Variants in AOPEP observed in about 807,000 individuals in gnomAD.
AOPEP encodes the protein aminopeptidase O (putative).
AOPEP carries 77 observed loss-of-function variants against 98.1 expected under a neutral mutation model. The ratio of observed to expected loss-of-function variants is 0.78; its 90% confidence interval spans 0.65 to 0.95. The LOEUF is 0.95. Ranked by LOEUF, AOPEP falls within the 40% of genes least tolerant of loss-of-function variation. The probability of loss-of-function intolerance (pLI) is 0.00; values close to 1 mark genes in which losing one functional copy is unlikely to be tolerated. For missense variants in AOPEP, 1,024 were observed against 1,024.7 expected (o/e 1.00, Z 0.01); for synonymous variants, 346 against 365.3 (o/e 0.95, Z 0.60).
intron 11 of AOPEP, among the ~76,000 whole-genome samples, chr9:94,981,228 G>A (rs989351810): frequency 6.6e-6 from 1 of 152,172 alleles, no homozygotes; most frequent in Non-Finnish European, 1.5e-5. Context: ...GAGGCTTTTG[G>A]TTTTCATTAA....
chr9:95,059,940 C>T lies in AOPEP; in HGVS notation c.2116-754C>T, dbSNP rs12683564. ...CCCTGCTGTTGCATAGCGAGTAACA[C>T]GGATGAAGTCTTACACATGCTTCTC... On this transcript the variant is annotated intron_variant, in intron 13 of 16. Coordinates refer to ENST00000375315, the MANE Select transcript of AOPEP (RefSeq NM_001193329.3). Among the ~76,000 whole-genome samples the T allele has an allele frequency of 3.7e-3, 569 of 152,326 alleles. 17 individuals carry two copies. The East Asian group carries it at 0.051, about 14-fold the overall frequency.
intron 13 of AOPEP, among the ~76,000 whole-genome samples, chr9:95,041,444 GGGGTGTGTGT>G (rs1489415784): frequency 1.3e-4 from 19 of 144,408 alleles, no homozygotes; most frequent in East Asian, 8.2e-4. Context: ...AGAGTCCTTG[GGGGTGTGTGT>G]GTGTGTGTGT....
Position 94,942,530 on chromosome 9 carries a change from C to T in AOPEP, c.1662-12647C>T, listed in dbSNP as rs1301091116. Among the ~76,000 whole-genome samples the T allele has an allele frequency of 2.0e-5, 3 of 152,118 alleles. No homozygotes were observed. The East Asian group carries it at 5.8e-4, about 29-fold the overall frequency. ...GGTTGAGGACAGAAGGAATAAGAAA[C>T]AGGGACTGTACTATTCAACATTGTA... On this transcript the variant is annotated intron_variant, in intron 7 of 16. Transcript: ENST00000375315.
intron 5 of AOPEP, among the ~76,000 whole-genome samples, chr9:94,867,291 A>G (rs1472117072): frequency 6.6e-6 from 1 of 152,240 alleles, no homozygotes; most frequent in East Asian, 1.9e-4. Flanking sequence ...CTTTCTGTTT[A>G]GAAGTACTTG....
chr9:94,908,824 C>G (rs2051565099), intron 5 of AOPEP, among the ~76,000 whole-genome samples: 1 of 152,098 alleles, frequency 6.6e-6, no homozygotes, highest in South Asian at 2.1e-4. Flanking sequence ...TATGTTGGTG[C>G]TTTCAAATGT....
intron 5 of AOPEP, among the ~76,000 whole-genome samples, chr9:94,920,743 G>C (rs1005601299): frequency 6.6e-6 from 1 of 152,220 alleles, no homozygotes; most frequent in Non-Finnish European, 1.5e-5. Flanking sequence ...TAATCTGGGT[G>C]GGTAGGTAGT....
chr9:95,057,762 T>A (rs2066953981), intron 13 of AOPEP, among the ~76,000 whole-genome samples: 1 of 152,212 alleles, frequency 6.6e-6, no homozygotes, highest in African/African-American at 2.4e-5. Context: ...TGAGTTAGAA[T>A]AGTTACAACT....
chr9:94,763,145 T>C (rs965786917), intron 2 of AOPEP: 8 of 456,052 alleles, frequency 1.8e-5, no homozygotes, highest in Middle Eastern at 3.5e-4. Flanking sequence ...ATAAAATGAC[T>C]GGAAGCTTCT....
At chr9:95,096,630 G>A in the AOPEP span, among the ~76,000 whole-genome samples, 4 of 152,112 alleles carry the variant, frequency 2.6e-5, no homozygotes, top group African/African-American at 7.2e-5. Context: ...TGGAGTCCAA[G>A]GGCGCCCACC....
Position 94,760,100 on chromosome 9 carries a change from A to T in AOPEP, c.317A>T (p.Glu106Val), listed in dbSNP as rs1837914897. The change falls in exon 2 of 17, where the codon GAA (glutamate) becomes GTA (valine). Residue 106 changes from glutamate (E) to valine (V), a missense_variant. Physicochemically the swap from Glu to Val is moderately radical, Grantham distance 121. Coordinates refer to ENST00000375315, the MANE Select transcript of AOPEP (RefSeq NM_001193329.3). ...GATTTTGCAATCTGTAGTAAAGGTG[A>T]AAAAGATACTTCTGATAAAGATGGT... ...YNDFAICSKG[E>V]KDTSDKDGNH... is the part of the protein sequence containing the mutation. The T allele has an allele frequency of 6.2e-7, 1 of 1,614,196 alleles. No individual in the cohort carries two copies. Among genetic ancestry groups the T allele is most frequent in the Admixed American group, 1.7e-5 (1 of 60,024 alleles).
chr9:94,914,523 C>CGTGTGTGTGTGT (rs67826706), intron 5 of AOPEP, among the ~76,000 whole-genome samples: 4,657 of 143,586 alleles, frequency 0.032, 100 homozygotes, highest in South Asian at 0.046. Context: ...TGGCATTAGA[C>CGTGTGTGTGTGT]GTGTGTGTGT....
intron 2 of AOPEP, among the ~76,000 whole-genome samples, chr9:94,772,728 G>A (rs1841165537): frequency 6.6e-6 from 1 of 152,170 alleles, no homozygotes. Context: ...TGGCCGATTA[G>A]TATTTAAAAC....
At chr9:95,125,123 T>C in the AOPEP span, 2 of 1,614,238 alleles carry the variant, frequency 1.2e-6, no homozygotes, top group Admixed American at 1.7e-5. Flanking sequence ...TACAAAGCAC[T>C]GCGTAAACAC....
intron 5 of AOPEP, among the ~76,000 whole-genome samples, chr9:94,828,571 G>C (rs1855177425): frequency 1.3e-5 from 2 of 152,040 alleles, no homozygotes; most frequent in Admixed American, 6.5e-5. Context: ...CAGGACCTGG[G>C]GGCAAAGACA....
At chr9:94,996,350 CTGTGTGTGTGTGTGTGTG>C (rs10608161) in intron 11 of AOPEP, among the ~76,000 whole-genome samples, 6 of 141,780 alleles carry the variant, frequency 4.2e-5, no homozygotes, top group Admixed American at 7.1e-5. Flanking sequence ...TTACTTGCCT[CTGTGTGTGTGTGTGTGTG>C]TGTGTGTGTG....
At position 94,759,765 on chromosome 9, in the gene AOPEP, T is replaced by C. The variant is rs1188427898; in HGVS notation, c.-19T>C. ...CCCATCTGAGATTTTAATAAATCCCTCAAACAATAAACCACATCATGGACA... is the reference window on the plus strand; with the variant it reads ...CCCATCTGAGATTTTAATAAATCCCCCAAACAATAAACCACATCATGGACA... On this transcript the variant is annotated 5_prime_UTR_variant, in exon 2 of 17. Transcript: ENST00000375315. The C allele has an allele frequency of 1.3e-6, 2 of 1,586,706 alleles. No homozygotes were observed. The highest frequency in any genetic ancestry group is 3.6e-5 in the Admixed American group (2 of 54,946).
In AOPEP at chr9:94,969,370, A is replaced by G. The variant is rs544471534; in HGVS notation, c.1916+1569A>G. ...CATTCCAACCCTCTCCTAATTTCCT[A>G]TCTTGATTTAGGCGTTAAAAAGTGA... On this transcript the variant is annotated intron_variant, in intron 10 of 16. Transcript: ENST00000375315. 2.9e-4 allele frequency among the ~76,000 whole-genome samples: 43 copies of G among 150,872 alleles called. 1 individual carries two copies. Among genetic ancestry groups the G allele is most frequent in the South Asian group, 2.1e-4 (1 of 4,764 alleles).
chr9:95,125,016 C>G, the AOPEP span: 4 of 1,355,852 alleles, frequency 3.0e-6, no homozygotes, highest in Non-Finnish European at 4.2e-6. Flanking sequence ...ATAAAGTGCT[C>G]TTGTCCAAAA....
At chr9:95,123,485 C>G in the AOPEP span, 3 of 464,876 alleles carry the variant, frequency 6.5e-6, no homozygotes, top group Non-Finnish European at 8.6e-6. Context: ...AATAAAAATA[C>G]AAAAATTAGT....
Sources: gnomAD v4.1 joint callset for allele counts (sites outside exome capture counted in the v4.1 genomes callset) on GRCh38, gnomAD v4.1.1 for gene constraint, MANE v1.5 for transcripts, NCBI Gene and HGNC (gene_info 2026-07-23, HGNC 2026-07-21) for gene names.